Variants in TTI1 observed in about 807,000 individuals in gnomAD.
The protein encoded by TTI1 is TELO2-interacting protein 1 homolog.
TTI1 carries 52 observed loss-of-function variants against 85.4 expected under a neutral mutation model. The ratio of observed to expected loss-of-function variants is 0.61; its 90% confidence interval spans 0.49 to 0.77. The LOEUF is 0.77. Ranked by LOEUF, TTI1 falls within the 30% of genes least tolerant of loss-of-function variation. TTI1 has a pLI of 0.00. For missense variants in TTI1, 1,173 were observed against 1,296.0 expected, an observed-to-expected ratio of 0.91 and a Z score of 1.46; for synonymous variants, 512 against 503.9, an observed-to-expected ratio of 1.02 and a Z score of -0.22.
At chr20:38,020,340 A>G (rs1050029984) in intron 1 of TTI1, among the ~76,000 whole-genome samples, 1 of 122,174 alleles carries the variant, frequency 8.2e-6, no homozygotes, top group African/African-American at 3.0e-5. Flanking sequence ...ATATATATAT[A>G]TATATATATA....
chr20:38,026,771 C>T (rs1316977538), intron 1 of TTI1, among the ~76,000 whole-genome samples: 2 of 152,160 alleles, frequency 1.3e-5, no homozygotes, highest in African/African-American at 2.4e-5. Context: ...GTAAATGCAA[C>T]GGGCTTTCCT....
At chr20:37,991,822 T>C (rs1489344978) in intron 7 of TTI1, among the ~76,000 whole-genome samples, 1 of 152,214 alleles carries the variant, frequency 6.6e-6, no homozygotes, top group Non-Finnish European at 1.5e-5. Context: ...TCTTGTTCCC[T>C]CTAATTCCAG....
intron 2 of TTI1, among the ~76,000 whole-genome samples, chr20:38,007,549 C>G (rs1460551375): frequency 6.6e-6 from 1 of 152,150 alleles, no homozygotes; most frequent in Non-Finnish European, 1.5e-5. Flanking sequence ...CAGGGTTCCC[C>G]AAAGGCTTCA....
At chr20:38,023,164 T>A (rs2073792384) in intron 1 of TTI1, among the ~76,000 whole-genome samples, 1 of 152,214 alleles carries the variant, frequency 6.6e-6, no homozygotes, top group South Asian at 2.1e-4. Context: ...ATCCACAAGC[T>A]GAGCAGCACA....
chr20:38,002,850 TA>T, intron 3 of TTI1, 74 bp from the exon 4 acceptor site: 1 of 1,587,180 alleles, frequency 6.3e-7, no homozygotes, highest in South Asian at 1.1e-5. Flanking sequence ...CTGTTCTTTA[TA>T]AATTACTCAG....
chr20:38,013,849 T>C lies in TTI1; in HGVS notation c.-33A>G. 1 of 1,580,870 alleles carries C rather than the reference T, an allele frequency of 6.3e-7. No homozygotes were observed. The highest frequency in any genetic ancestry group is 8.6e-7 in the Non-Finnish European group (1 of 1,166,180). ...CAGCCTTCCCCTCATTGAGGAAACA[T>C]CCTGCAGGCTGGAGGAAGGAAACTG... On this transcript the variant is annotated 5_prime_UTR_variant, in exon 2 of 8. An upstream start codon of the reference 5' UTR is lost. Coordinates refer to ENST00000373447, the MANE Select transcript of TTI1 (RefSeq NM_001303457.2).
intron 4 of TTI1, among the ~76,000 whole-genome samples, chr20:38,001,717 T>C (rs371732079): frequency 6.6e-6 from 1 of 151,698 alleles, no homozygotes. Context: ...CAGTTGTGTT[T>C]CTCTCTCTTT....
intron 3 of TTI1, chr20:38,005,984 C>CA (rs1372010630): frequency 1.8e-6 from 1 of 543,478 alleles, no homozygotes; most frequent in East Asian, 3.6e-5. Flanking sequence ...TAACTAAACA[C>CA]AAAAAGGGTA....
intron 1 of TTI1, among the ~76,000 whole-genome samples, chr20:38,030,218 AAGGG>A (rs113247447): frequency 1.3e-5 from 2 of 149,150 alleles, no homozygotes; most frequent in Admixed American, 1.3e-4. Context: ...GAAGGGAAGG[AAGGG>A]AGGGAGGGAG....
At position 37,984,941 on chromosome 20, in the gene TTI1, C is replaced by T. The variant is rs564523425; in HGVS notation, c.3087-1302G>A. ...CAATGAGTTCTCATTTTAATGAGGACGTGGTGAGTTACTACATTGCACATG... is the reference window on the plus strand; with the variant it reads ...CAATGAGTTCTCATTTTAATGAGGATGTGGTGAGTTACTACATTGCACATG... On this transcript the variant is annotated intron_variant, in intron 7 of 7. Transcript: ENST00000373447. Among the ~76,000 whole-genome samples the T allele has an allele frequency of 3.9e-5, 6 of 152,284 alleles. No individual in the cohort carries two copies. In the South Asian group the frequency reaches 6.2e-4, roughly 16 times the overall value.
At chr20:37,997,167 A>G (rs904947255) in intron 5 of TTI1, among the ~76,000 whole-genome samples, 1 of 151,990 alleles carries the variant, frequency 6.6e-6, no homozygotes, top group Non-Finnish European at 1.5e-5. Context: ...ACCCATAAAT[A>G]CAGATTACAT....
Position 37,996,474 on chromosome 20 carries a change from A to G in TTI1, c.2999-12T>C. The G allele has an allele frequency of 6.2e-7, 1 of 1,612,862 alleles. No individual in the cohort carries two copies. The highest frequency in any genetic ancestry group is 1.1e-5 in the South Asian group (1 of 91,076). On this transcript the variant is annotated splice_polypyrimidine_tract_variant and intron_variant, in intron 6 of 7. Coordinates refer to ENST00000373447, the MANE Select transcript of TTI1 (RefSeq NM_001303457.2). ...CAGGTCACCCTCACCTGCAGAAAAGAAAAACAAAACAAGCATCAGCCCTTA... is the reference window on the plus strand; with the variant it reads ...CAGGTCACCCTCACCTGCAGAAAAGGAAAACAAAACAAGCATCAGCCCTTA...
chr20:38,006,910 T>C (rs1402873317), intron 2 of TTI1, among the ~76,000 whole-genome samples: 1 of 152,224 alleles, frequency 6.6e-6, no homozygotes, highest in African/African-American at 2.4e-5. Context: ...ATGCCCAGTG[T>C]GGGTTCCAGC....
rs148488092 is a variant in TTI1, at chr20:38,000,809, T to C, written c.2653-1481A>G. Among the ~76,000 whole-genome samples, 1,215 of 152,284 alleles carry C rather than the reference T, an allele frequency of 8.0e-3. 6 individuals carry two copies. Among genetic ancestry groups the C allele is most frequent in the African/African-American group, 0.023 (949 of 41,552 alleles). On this transcript the variant is annotated intron_variant, in intron 4 of 7. Transcript: ENST00000373447. ...ACAAGTTACATTATATTTCATTGACTCAAAGATGTACATTTCCCCTCTGCC... is the reference window on the plus strand; with the variant it reads ...ACAAGTTACATTATATTTCATTGACCCAAAGATGTACATTTCCCCTCTGCC...
At chr20:38,031,245 C>T (rs1440651640) in intron 1 of TTI1, among the ~76,000 whole-genome samples, 1 of 152,210 alleles carries the variant, frequency 6.6e-6, no homozygotes, top group Non-Finnish European at 1.5e-5. Context: ...TCATTTCATT[C>T]AGAGTAACAT....
At chr20:38,020,317 A>ATATATATATATATAT (rs1568628878) in intron 1 of TTI1, among the ~76,000 whole-genome samples, 4 of 44,050 alleles carry the variant, frequency 9.1e-5, no homozygotes, top group African/African-American at 5.9e-4. Context: ...TATGAAAAAA[A>ATATATATATATATAT]AAAAAAATAT....
intron 1 of TTI1, among the ~76,000 whole-genome samples, chr20:38,018,150 C>A (rs937169631): frequency 6.6e-6 from 1 of 152,118 alleles, no homozygotes; most frequent in Non-Finnish European, 1.5e-5. Flanking sequence ...TAGAAGCAGA[C>A]CTATGGATGG....
At chr20:37,991,010 A>C (rs1453346030) in intron 7 of TTI1, among the ~76,000 whole-genome samples, 2 of 152,206 alleles carry the variant, frequency 1.3e-5, no homozygotes, top group African/African-American at 4.8e-5. Context: ...TTTGTTTGTA[A>C]TCTGCCTGCC....
chr20:38,020,467 T>C (rs2073755531), intron 1 of TTI1, among the ~76,000 whole-genome samples: 2 of 150,368 alleles, frequency 1.3e-5, no homozygotes, highest in Non-Finnish European at 3.0e-5. Flanking sequence ...CAAAGATTTC[T>C]TAAATAGGAC....
Sources: allele counts gnomAD v4.1 joint callset (sites outside exome capture counted in the v4.1 genomes callset), GRCh38; gene constraint gnomAD v4.1.1; transcripts MANE v1.5; gene names NCBI Gene and HGNC (gene_info 2026-07-23, HGNC 2026-07-21).